Variants in UIMC1 observed in about 807,000 individuals in gnomAD.
UIMC1 encodes the protein BRCA1-A complex subunit RAP80.
Under a neutral mutation model 84.9 loss-of-function variants are expected in UIMC1, and 42 were observed. That is an observed-to-expected ratio of 0.49 (90% CI 0.39 to 0.64). The LOEUF (loss-of-function observed/expected upper bound fraction) is 0.64, where lower values mean the gene tolerates loss of function less well. Among genes scored for constraint, UIMC1 ranks in the 30% least tolerant of loss-of-function variants. The probability of loss-of-function intolerance (pLI) is 0.00; values close to 1 mark genes in which losing one functional copy is unlikely to be tolerated. For missense variants in UIMC1, 825 were observed against 847.6 expected, an observed-to-expected ratio of 0.97 and a Z score of 0.33; for synonymous variants, 281 against 293.0, an observed-to-expected ratio of 0.96 and a Z score of 0.42.
At chr5:177,006,134 C>A (rs1284055443) in intron 1 of UIMC1, 1 of 152,240 alleles carries the variant, frequency 6.6e-6, no homozygotes, top group African/African-American at 2.4e-5. Context: ...GCTGAGGGAG[C>A]TCGGCGCTCG....
chr5:176,993,582 G>A (rs1260210773), intron 1 of UIMC1, among the ~76,000 whole-genome samples: 1 of 152,046 alleles, frequency 6.6e-6, no homozygotes. Context: ...ATGTACCCCA[G>A]AACTTAAAGA....
At chr5:177,012,203 T>C (rs898298170) in intron 1 of UIMC1, among the ~76,000 whole-genome samples, 8 of 152,192 alleles carry the variant, frequency 5.3e-5, no homozygotes, top group Non-Finnish European at 8.8e-5. Flanking sequence ...CCACCTGTTA[T>C]GTCCCACATA....
chr5:176,976,294 G>A (rs1030024807), intron 2 of UIMC1, among the ~76,000 whole-genome samples: 1 of 152,080 alleles, frequency 6.6e-6, no homozygotes, highest in African/African-American at 2.4e-5. Flanking sequence ...CAGCCTGGGA[G>A]ACAAAGCAAC....
At chr5:176,996,575 G>C (rs987134601) in intron 1 of UIMC1, among the ~76,000 whole-genome samples, 2 of 152,092 alleles carry the variant, frequency 1.3e-5, no homozygotes. Flanking sequence ...AACAAACTAA[G>C]AAATGTTCAC....
chr5:176,926,695 G>C (rs1581405194), intron 10 of UIMC1, among the ~76,000 whole-genome samples: 1 of 152,026 alleles, frequency 6.6e-6, no homozygotes, highest in African/African-American at 2.4e-5. Flanking sequence ...TAGAGGTAAA[G>C]TGTCATGATT....
chr5:176,907,224 T>G (rs370917072), intron 12 of UIMC1, 47 bp from the exon 13 acceptor site: 1 of 1,560,238 alleles, frequency 6.4e-7, no homozygotes, highest in East Asian at 2.3e-5. Context: ...TGTCAGAGTC[T>G]AAAATACAAC....
chr5:176,958,567 A>C (rs1766908092), intron 6 of UIMC1, among the ~76,000 whole-genome samples: 1 of 152,244 alleles, frequency 6.6e-6, no homozygotes, highest in South Asian at 2.1e-4. Context: ...TGCATGGGGG[A>C]AAGGAAAATA....
At chr5:176,922,332 A>G (rs770283352) in intron 10 of UIMC1, among the ~76,000 whole-genome samples, 6 of 152,230 alleles carry the variant, frequency 3.9e-5, no homozygotes, top group Non-Finnish European at 5.9e-5. Context: ...GTTAAACAAC[A>G]CAGTGATCTT....
At chr5:176,907,888 A>G (rs141332459) in intron 12 of UIMC1, among the ~76,000 whole-genome samples, 1 of 152,250 alleles carries the variant, frequency 6.6e-6, no homozygotes, top group Non-Finnish European at 1.5e-5. Context: ...CTAAGGAAAT[A>G]ATCAGTGGTA....
intron 10 of UIMC1, among the ~76,000 whole-genome samples, chr5:176,933,059 C>T (rs372987559): frequency 6.6e-6 from 1 of 152,088 alleles, no homozygotes; most frequent in Admixed American, 6.6e-5. Context: ...GAAATAAAAG[C>T]TTTGGCAGTG....
chr5:176,951,526 G>A lies in UIMC1; in HGVS notation c.1391C>T (p.Pro464Leu). The A allele has an allele frequency of 6.3e-7, 1 of 1,586,850 alleles. No homozygotes were observed. The highest frequency in any genetic ancestry group is 8.6e-7 in the Non-Finnish European group (1 of 1,168,166). ...TCCATCCAAGATATCTCTGCTACCT[G>A]GAGAGACTTCTCTTTCAAGGTCAAA... ...ETFDLEREVS[P>L]GSRDILDGVR... Residue 464 changes from proline (P) to leucine (L), a missense_variant, in exon 9 of 15, where the codon CCA becomes CTA. Physicochemically the swap from Pro to Leu is moderately conservative, Grantham distance 98. Coordinates refer to ENST00000511320, the MANE Select transcript of UIMC1 (RefSeq NM_001199298.2).
At chr5:177,005,901 C>G (rs975640888) in intron 1 of UIMC1, among the ~76,000 whole-genome samples, 1 of 152,168 alleles carries the variant, frequency 6.6e-6, no homozygotes. Flanking sequence ...AGCCCGCCGG[C>G]TGTGGCGCTC....
At chr5:176,958,180 AATATAC>A (rs765994072) in intron 6 of UIMC1, 26 bp from the exon 7 acceptor site, 1 of 1,601,338 alleles carries the variant, frequency 6.2e-7, no homozygotes, top group South Asian at 1.1e-5. Flanking sequence ...TAGTATCTTA[AATATAC>A]AGGCACAGGT....
rs1271454385 is a variant in UIMC1 at position 176,929,399 on chromosome 5, T to TA, written c.1597+13935dup. 1.1e-4 allele frequency among the ~76,000 whole-genome samples: 16 copies of TA among 144,324 alleles called. No individual in the cohort carries two copies. The East Asian group carries it at 2.5e-3, about 23-fold the overall frequency. 94.7% of individuals were successfully genotyped at this position (144,324 alleles called of 152,430 possible). On this transcript the variant is annotated intron_variant, in intron 10 of 14. Coordinates refer to ENST00000511320, the MANE Select transcript of UIMC1 (RefSeq NM_001199298.2). ...TAACACGGTGAAACCCCGTCTCTACTAAAAAAAATACAAAAAAATTAGCCA... is the reference window on the plus strand; with the variant it reads ...TAACACGGTGAAACCCCGTCTCTACTAAAAAAAAATACAAAAAAATTAGCCA...
intron 1 of UIMC1, among the ~76,000 whole-genome samples, chr5:176,983,770 C>T (rs960067957): frequency 2.7e-5 from 4 of 150,284 alleles, no homozygotes; most frequent in Admixed American, 2.7e-4. Flanking sequence ...CCGGCCGCCA[C>T]CCCGTCTAGG....
intron 1 of UIMC1, among the ~76,000 whole-genome samples, chr5:177,020,605 G>A (rs1018079453): frequency 6.6e-6 from 1 of 152,046 alleles, no homozygotes; most frequent in Non-Finnish European, 1.5e-5. Flanking sequence ...TAATTTTTTT[G>A]TATTTTTAGT....
chr5:176,937,480 A>G (rs1156344333), intron 10 of UIMC1, among the ~76,000 whole-genome samples: 2 of 152,144 alleles, frequency 1.3e-5, no homozygotes, highest in Non-Finnish European at 2.9e-5. Flanking sequence ...GCGACAGAGC[A>G]AGACTCTGTC....
At chr5:176,955,324 T>A (rs1401528049) in intron 8 of UIMC1, among the ~76,000 whole-genome samples, 1 of 152,128 alleles carries the variant, frequency 6.6e-6, no homozygotes, top group Non-Finnish European at 1.5e-5. Context: ...CTTAACGAGG[T>A]TAAGCATCTT....
intron 8 of UIMC1, among the ~76,000 whole-genome samples, chr5:176,954,135 C>A (rs143772796): frequency 6.6e-6 from 1 of 152,252 alleles, no homozygotes; most frequent in African/African-American, 2.4e-5. Flanking sequence ...AGCTATCTAA[C>A]CTCAGTATGA....
Sources: gnomAD v4.1 joint callset for allele counts (sites outside exome capture counted in the v4.1 genomes callset) on GRCh38, gnomAD v4.1.1 for gene constraint, MANE v1.5 for transcripts, NCBI Gene and HGNC (gene_info 2026-07-23, HGNC 2026-07-21) for gene names.